The following RBMS1 variants were observed in gnomAD, a reference collection of about 807,000 sequenced individuals.
RBMS1 encodes the protein RNA binding motif single stranded interacting protein 1.
A neutral mutation model predicts 62.3 loss-of-function variants in RBMS1; 17 were observed. The observed-to-expected ratio is 0.27, with a 90% CI of 0.19 to 0.41. RBMS1 has a LOEUF of 0.41. RBMS1 is among the 10% of genes least tolerant of loss of function. The probability of loss-of-function intolerance (pLI) is 1.00; values close to 1 mark genes in which losing one functional copy is unlikely to be tolerated. For synonymous variants in RBMS1, 172 were observed against 170.0 expected (o/e 1.01, Z -0.09); for missense variants, 334 against 504.5 (o/e 0.66, Z 3.24).
At chr2:160,348,009 T>C (rs758799497) in intron 2 of RBMS1, among the ~76,000 whole-genome samples, 119 of 152,078 alleles carry the variant, frequency 7.8e-4, no homozygotes, top group Non-Finnish European at 1.5e-3. Flanking sequence ...ATTTCCGAGC[T>C]TTGACCATTC....
At position 160,308,726 on chromosome 2, in the gene RBMS1, T is replaced by A. The variant is rs201962275; in HGVS notation, c.402+4430A>T. Reference sequence around the variant, plus strand: ...CCACAGATGATGGAGGAAGGGGTCCTTTTCCTTAGCCAATGTATAGTATCA... The same window carrying A: ...CCACAGATGATGGAGGAAGGGGTCCATTTCCTTAGCCAATGTATAGTATCA... On this transcript the variant is annotated intron_variant, in intron 4 of 13. Transcript: ENST00000348849. 7.2e-5 allele frequency among the ~76,000 whole-genome samples: 11 copies of A among 152,284 alleles called. No homozygotes were observed. In the East Asian group the frequency reaches 1.9e-3, roughly 27 times the overall value.
rs1335476304 is a variant in RBMS1 at position 160,407,594 on chromosome 2, G to A, written c.76-40203C>T. On this transcript the variant is annotated intron_variant, in intron 1 of 13. Transcript: ENST00000348849. ...CGGGCGCGGGGCAGCCTCGCCGCGA[G>A]GGGGAGGGCGCAAGGAGGTGGCCGG... is the stretch of plus-strand genomic sequence containing the variant. The A allele has an allele frequency of 3.1e-6, 3 of 982,736 alleles. No homozygotes were observed. The African/African-American group carries it at 5.3e-5, about 17-fold the overall frequency. The allele number at this position is 982,736 out of a possible 1,614,324, so 60.9% of individuals were successfully genotyped here. A position where few individuals can be genotyped will look rare whatever the true frequency, so the allele number is the denominator to read the frequency against.
At chr2:160,291,701 T>C (rs1244150401) in intron 6 of RBMS1, among the ~76,000 whole-genome samples, 2 of 152,196 alleles carry the variant, frequency 1.3e-5, no homozygotes, top group African/African-American at 4.8e-5. Context: ...AATATCGTCA[T>C]GTTACAATCA....
At chr2:160,310,530 C>T (rs977072217) in intron 4 of RBMS1, among the ~76,000 whole-genome samples, 2 of 152,198 alleles carry the variant, frequency 1.3e-5, no homozygotes, top group Non-Finnish European at 2.9e-5. Flanking sequence ...TTCTACCAAA[C>T]ACATATCAAC....
At chr2:160,438,277 T>A (rs1249331397) in intron 1 of RBMS1, among the ~76,000 whole-genome samples, 1 of 150,348 alleles carries the variant, frequency 6.7e-6, no homozygotes, top group Non-Finnish European at 1.5e-5. Flanking sequence ...TTTTTTTTTT[T>A]TATTGATCAT....
chr2:160,425,009 A>T (rs953683284), intron 1 of RBMS1, among the ~76,000 whole-genome samples: 2 of 152,120 alleles, frequency 1.3e-5, no homozygotes, highest in African/African-American at 4.8e-5. Flanking sequence ...AAGTCTTCAG[A>T]TCCCTATTAG....
intron 2 of RBMS1, among the ~76,000 whole-genome samples, chr2:160,332,192 C>T (rs1238927310): frequency 6.6e-6 from 1 of 151,952 alleles, no homozygotes; most frequent in Admixed American, 6.6e-5. Context: ...CTTTGATATC[C>T]CTGCTTTGAA....
At chr2:160,485,054 T>C (rs936784607) in intron 1 of RBMS1, among the ~76,000 whole-genome samples, 4 of 152,108 alleles carry the variant, frequency 2.6e-5, no homozygotes, top group Non-Finnish European at 4.4e-5. Context: ...AGTAATCTAG[T>C]AGTGGTAAGC....
At chr2:160,400,860 AC>A (rs1215016153) in intron 1 of RBMS1, among the ~76,000 whole-genome samples, 3 of 152,146 alleles carry the variant, frequency 2.0e-5, no homozygotes, top group Non-Finnish European at 2.9e-5. Context: ...GGAAAGGACC[AC>A]CCCTCAAAAC....
intron 2 of RBMS1, among the ~76,000 whole-genome samples, chr2:160,340,802 C>CA (rs1691826378): frequency 6.6e-6 from 1 of 152,124 alleles, no homozygotes; most frequent in South Asian, 2.1e-4. Context: ...TACCCATAGG[C>CA]ATGTTAGTAA....
chr2:160,478,599 A>G (rs982350821), intron 1 of RBMS1, among the ~76,000 whole-genome samples: 6 of 152,200 alleles, frequency 3.9e-5, no homozygotes, highest in African/African-American at 1.4e-4. Context: ...CTAAGGTGGC[A>G]TTTTTACTGG....
chr2:160,487,525 G>C (rs943513613), intron 1 of RBMS1, among the ~76,000 whole-genome samples: 3 of 152,150 alleles, frequency 2.0e-5, no homozygotes, highest in Non-Finnish European at 4.4e-5. Context: ...AAATACAATT[G>C]ATTGGCTAGT....
chr2:160,461,592 G>A (rs926969127), intron 1 of RBMS1, among the ~76,000 whole-genome samples: 45 of 152,346 alleles, frequency 3.0e-4, no homozygotes, highest in Admixed American at 2.8e-3. Context: ...CTTCGGGAGC[G>A]CTATAGGCCA....
chr2:160,486,504 C>T (rs904367510), intron 1 of RBMS1, among the ~76,000 whole-genome samples: 6 of 152,102 alleles, frequency 3.9e-5, no homozygotes, highest in African/African-American at 1.4e-4. Flanking sequence ...CAAAACCTTT[C>T]CCTGAAATCA....
At chr2:160,451,559 C>A (rs1480267787) in intron 1 of RBMS1, among the ~76,000 whole-genome samples, 1 of 152,054 alleles carries the variant, frequency 6.6e-6, no homozygotes, top group Non-Finnish European at 1.5e-5. Context: ...AAACCCAATG[C>A]ACCAGACAAA....
intron 1 of RBMS1, among the ~76,000 whole-genome samples, chr2:160,387,334 T>A (rs1311432614): frequency 1.3e-5 from 2 of 151,966 alleles, no homozygotes; most frequent in Non-Finnish European, 2.9e-5. Flanking sequence ...CAGTCTTCCC[T>A]TAGGAGGGAT....
At chr2:160,328,560 A>G (rs536295004) in intron 2 of RBMS1, among the ~76,000 whole-genome samples, 7 of 152,194 alleles carry the variant, frequency 4.6e-5, no homozygotes, top group Non-Finnish European at 7.3e-5. Flanking sequence ...TAGAAAATGA[A>G]TATGACCTTA....
intron 2 of RBMS1, among the ~76,000 whole-genome samples, chr2:160,358,187 G>A (rs1314495461): frequency 6.6e-6 from 1 of 152,056 alleles, no homozygotes; most frequent in Non-Finnish European, 1.5e-5. Flanking sequence ...CAGGGGACGG[G>A]GGATGATTGC....
chr2:160,313,261 A>ACACAC lies in RBMS1; in HGVS notation c.311-19_311-15dup, dbSNP rs1353014641. The ACACAC allele has an allele frequency of 6.2e-7, 1 of 1,611,578 alleles. No homozygotes were observed. Among genetic ancestry groups the ACACAC allele is most frequent in the East Asian group, 2.2e-5 (1 of 44,766 alleles). On this transcript the variant is annotated splice_polypyrimidine_tract_variant and intron_variant, in intron 3 of 13. Transcript: ENST00000348849. ...CAAAACCATAACCTGAAATGCAAAA[A>ACACAC]CACACTTAGTATTTAAGCCATTATT...
Sources: allele counts gnomAD v4.1 joint callset (sites outside exome capture counted in the v4.1 genomes callset), GRCh38; gene constraint gnomAD v4.1.1; transcripts MANE v1.5; gene names NCBI Gene and HGNC (gene_info 2026-07-23, HGNC 2026-07-21).